Variants in ULK4 observed in about 807,000 individuals in gnomAD.
ULK4 encodes unc-51 like kinase 4.
ULK4 carries 133 observed loss-of-function variants against 160.6 expected under a neutral mutation model. The ratio of observed to expected loss-of-function variants is 0.83; its 90% CI spans 0.72 to 0.96. The LOEUF is 0.96. Ranked by LOEUF, ULK4 falls within the 40% of genes least tolerant of loss-of-function variation. The probability of loss-of-function intolerance (pLI) is 0.00; values close to 1 mark genes in which losing one functional copy is unlikely to be tolerated. For missense variants in ULK4, 1,580 were observed against 1,499.5 expected, an observed-to-expected ratio of 1.05 and a Z score of -0.89; for synonymous variants, 534 against 539.8, an observed-to-expected ratio of 0.99 and a Z score of 0.15.
chr3:41,489,778 G>A (rs2084680338), intron 32 of ULK4, among the ~76,000 whole-genome samples: 1 of 152,072 alleles, frequency 6.6e-6, no homozygotes. Flanking sequence ...CCCCTCAGAT[G>A]TCACCTCCTA....
chr3:41,494,077 T>C (rs1245784521), intron 32 of ULK4, among the ~76,000 whole-genome samples: 2 of 121,226 alleles, frequency 1.6e-5, no homozygotes, highest in African/African-American at 6.0e-5. Context: ...TAACTCATTT[T>C]ATGAGGCCAG....
chr3:41,708,807 C>A (rs2036992204), intron 25 of ULK4, among the ~76,000 whole-genome samples: 1 of 152,106 alleles, frequency 6.6e-6, no homozygotes, highest in Admixed American at 6.6e-5. Flanking sequence ...AGCCATTCCA[C>A]AATGTACACA....
At chr3:41,537,270 C>CAAA (rs2086537474) in intron 32 of ULK4, among the ~76,000 whole-genome samples, 1 of 149,676 alleles carries the variant, frequency 6.7e-6, no homozygotes, top group Admixed American at 6.7e-5. Flanking sequence ...GTTATGCACT[C>CAAA]TGGACATAGT....
chr3:41,267,625 G>A (rs967822870), intron 35 of ULK4, among the ~76,000 whole-genome samples: 2 of 152,112 alleles, frequency 1.3e-5, no homozygotes, highest in Admixed American at 1.3e-4. Flanking sequence ...AGGATATGAT[G>A]GATGCTAAAA....
At chr3:41,422,797 T>TA (rs1177223633) in intron 34 of ULK4, among the ~76,000 whole-genome samples, 1 of 152,164 alleles carries the variant, frequency 6.6e-6, no homozygotes, top group Non-Finnish European at 1.5e-5. Context: ...ACTTATAAAA[T>TA]AAAAACGTGT....
chr3:41,662,549 A>C (rs2035212686), intron 30 of ULK4, among the ~76,000 whole-genome samples: 1 of 152,192 alleles, frequency 6.6e-6, no homozygotes, highest in Non-Finnish European at 1.5e-5. Flanking sequence ...CAACAGTCAC[A>C]GTGGCTCATA....
intron 16 of ULK4, among the ~76,000 whole-genome samples, chr3:41,892,656 G>A (rs193290622): frequency 2.2e-3 from 328 of 152,262 alleles, no homozygotes; most frequent in African/African-American, 7.5e-3. Flanking sequence ...CTTAAAACTT[G>A]AGGAAGTTAC....
intron 32 of ULK4, among the ~76,000 whole-genome samples, chr3:41,549,470 G>T (rs2086986375): frequency 2.0e-5 from 3 of 151,664 alleles, no homozygotes; most frequent in Admixed American, 2.0e-4. Flanking sequence ...ATTGAAGAAA[G>T]GTCTTGAAAT....
At position 41,521,017 on chromosome 3, in the gene ULK4, C is replaced by A. The variant is rs77751926; in HGVS notation, c.3226+45008G>T. 9.1e-3 allele frequency among the ~76,000 whole-genome samples: 1,389 copies of A among 152,224 alleles called. 7 individuals are homozygous for A. The highest frequency in any genetic ancestry group is 0.015 in the Non-Finnish European group (1,007 of 68,016). On this transcript the variant is annotated intron_variant, in intron 32 of 36. Transcript: ENST00000301831. ...TCTTCTAGCTAGGATTATTAAGGAG[C>A]TGTGCCTTTTCCACTATTTTATTCT...
intron 31 of ULK4, among the ~76,000 whole-genome samples, chr3:41,594,248 C>T (rs1198099454): frequency 6.6e-6 from 1 of 152,022 alleles, no homozygotes; most frequent in Non-Finnish European, 1.5e-5. Flanking sequence ...ACAGGAAGGG[C>T]ACTATGGGCT....
At chr3:41,596,037 A>G (rs575706228) in intron 31 of ULK4, among the ~76,000 whole-genome samples, 1 of 152,354 alleles carries the variant, frequency 6.6e-6, no homozygotes, top group African/African-American at 2.4e-5. Flanking sequence ...AAATGGGCCC[A>G]GGAACAAGTA....
intron 34 of ULK4, among the ~76,000 whole-genome samples, chr3:41,441,279 C>A (rs1195646813): frequency 6.6e-6 from 1 of 152,028 alleles, no homozygotes; most frequent in Non-Finnish European, 1.5e-5. Flanking sequence ...AAAGAGGAGT[C>A]ATGTGCTGTA....
intron 35 of ULK4, among the ~76,000 whole-genome samples, chr3:41,391,797 G>T (rs2081962663): frequency 6.6e-6 from 1 of 152,068 alleles, no homozygotes; most frequent in Non-Finnish European, 1.5e-5. Context: ...ACAGGGTAAA[G>T]ATTCTTCATG....
intron 17 of ULK4, among the ~76,000 whole-genome samples, chr3:41,861,211 T>C (rs1292571212): frequency 1.3e-5 from 2 of 152,230 alleles, no homozygotes; most frequent in Non-Finnish European, 2.9e-5. Context: ...CAATATTCTC[T>C]GTTTTTCTGT....
intron 34 of ULK4, among the ~76,000 whole-genome samples, chr3:41,411,788 T>G (rs536427228): frequency 1.3e-5 from 2 of 152,098 alleles, no homozygotes; most frequent in African/African-American, 4.8e-5. Context: ...AAATTTTAAA[T>G]CTACCTATAA....
At chr3:41,894,397 T>G (rs1189573097) in intron 16 of ULK4, among the ~76,000 whole-genome samples, 1 of 152,206 alleles carries the variant, frequency 6.6e-6, no homozygotes, top group East Asian at 1.9e-4. Context: ...ATTAAGCATT[T>G]TCTAAACTTC....
At chr3:41,594,111 TA>T (rs2031537718) in intron 31 of ULK4, among the ~76,000 whole-genome samples, 1 of 152,180 alleles carries the variant, frequency 6.6e-6, no homozygotes, top group African/African-American at 2.4e-5. Context: ...GAGTTATTTT[TA>T]AAGGCAGTAA....
chr3:41,638,123 A>G (rs1230301784), intron 30 of ULK4, among the ~76,000 whole-genome samples: 2 of 152,172 alleles, frequency 1.3e-5, no homozygotes, highest in Non-Finnish European at 2.9e-5. Context: ...ACAGTGGTGT[A>G]CGAAAGTACA....
intron 17 of ULK4, among the ~76,000 whole-genome samples, chr3:41,858,471 C>T (rs1177329005): frequency 1.3e-5 from 2 of 149,234 alleles, no homozygotes; most frequent in African/African-American, 2.5e-5. Flanking sequence ...TTTTGATATG[C>T]TGTATTTACA....
Sources: gnomAD v4.1 joint callset for allele counts (sites outside exome capture counted in the v4.1 genomes callset) on GRCh38, gnomAD v4.1.1 for gene constraint, MANE v1.5 for transcripts, NCBI Gene and HGNC (gene_info 2026-07-23, HGNC 2026-07-21) for gene names.